Variants in UNC79 observed in about 807,000 individuals in gnomAD.
The protein encoded by UNC79 is protein unc-79 homolog.
A neutral mutation model predicts 283.1 loss-of-function variants in UNC79; 37 were observed. The ratio of observed to expected loss-of-function variants is 0.13; its 90% CI spans 0.10 to 0.17. The LOEUF (loss-of-function observed/expected upper bound fraction) is 0.17, where lower values mean the gene tolerates loss of function less well. Ranked by LOEUF, UNC79 falls within the 10% of genes least tolerant of loss-of-function variation. The probability of loss-of-function intolerance (pLI) is 1.00; values close to 1 mark genes in which losing one functional copy is unlikely to be tolerated. For synonymous variants in UNC79, 1,107 were observed against 1,200.2 expected, an observed-to-expected ratio of 0.92 and a Z score of 1.61; for missense variants, 2,272 against 3,211.1, an observed-to-expected ratio of 0.71 and a Z score of 7.07.
chr14:93,374,077 T>C (rs1203072709), intron 1 of UNC79, among the ~76,000 whole-genome samples: 2 of 152,076 alleles, frequency 1.3e-5, no homozygotes, highest in East Asian at 1.9e-4. Flanking sequence ...ACAGGTATGG[T>C]GCTACCACAG....
rs1036803959 is a variant in UNC79, at chr14:93,499,180, T to A, written c.898+1894T>A. Among the ~76,000 whole-genome samples, 8 of 152,248 alleles carry A rather than the reference T, an allele frequency of 5.3e-5. No homozygotes were observed. The East Asian group carries it at 9.6e-4, about 18-fold the overall frequency. The stretch of plus-strand genomic sequence containing the variant: ...TAATAAAAACAATGAAAGTAGATAG[T>A]AAGTAAATTTTTTAAAATGGGAATT... On this transcript the variant is annotated intron_variant, in intron 7 of 48. Coordinates refer to ENST00000555664, the Ensembl canonical transcript of UNC79.
At chr14:93,447,574 T>C (rs1259545811) in intron 1 of UNC79, among the ~76,000 whole-genome samples, 4 of 151,922 alleles carry the variant, frequency 2.6e-5, no homozygotes, top group East Asian at 1.9e-4. Context: ...TTTCTGGTGC[T>C]CTTTGTTTTT....
intron 1 of UNC79, among the ~76,000 whole-genome samples, chr14:93,356,428 T>C (rs2054087582): frequency 6.6e-6 from 1 of 152,224 alleles, no homozygotes; most frequent in Non-Finnish European, 1.5e-5. Flanking sequence ...ACAGATCCCT[T>C]TGTACTCTGG....
intron 7 of UNC79, among the ~76,000 whole-genome samples, chr14:93,518,043 A>G (rs561531587): frequency 2.0e-5 from 3 of 152,072 alleles, no homozygotes; most frequent in African/African-American, 7.2e-5. Flanking sequence ...TACATTTATG[A>G]GAGATATTGT....
At chr14:93,356,545 A>C (rs189125216) in intron 1 of UNC79, among the ~76,000 whole-genome samples, 9 of 152,246 alleles carry the variant, frequency 5.9e-5, no homozygotes, top group Admixed American at 5.2e-4. Context: ...GTATTTCACC[A>C]GTGTCTGGCC....
chr14:93,540,730 C>G (rs751214472), exon 13 of UNC79: 22 of 1,613,748 alleles, frequency 1.4e-5, no homozygotes, highest in Non-Finnish European at 1.9e-5. Flanking sequence ...GCAGCTGGGC[C>G]TCTCCTCTTC....
chr14:93,533,557 G>A (rs968282499), intron 11 of UNC79, among the ~76,000 whole-genome samples: 2 of 152,138 alleles, frequency 1.3e-5, no homozygotes, highest in Non-Finnish European at 2.9e-5. Flanking sequence ...GAGATGGGTG[G>A]GGTGTCTGGG....
At chr14:93,654,792 G>A (rs1311184143) in intron 37 of UNC79, among the ~76,000 whole-genome samples, 1 of 152,122 alleles carries the variant, frequency 6.6e-6, no homozygotes, top group Non-Finnish European at 1.5e-5. Context: ...GGTGGGTGGA[G>A]CTATGGGCGT....
chr14:93,447,191 C>T (rs1046644698), intron 1 of UNC79, among the ~76,000 whole-genome samples: 1 of 152,114 alleles, frequency 6.6e-6, no homozygotes, highest in Non-Finnish European at 1.5e-5. Flanking sequence ...TATTGCTACT[C>T]CAGACTACCT....
At chr14:93,498,796 A>C (rs1015811519) in intron 7 of UNC79, among the ~76,000 whole-genome samples, 27 of 152,116 alleles carry the variant, frequency 1.8e-4, no homozygotes, top group African/African-American at 5.1e-4. Context: ...TATTAAATCA[A>C]AGAAGAAACC....
At chr14:93,622,732 T>C in exon 30 of UNC79, 1 of 1,614,166 alleles carries the variant, frequency 6.2e-7, no homozygotes, top group Non-Finnish European at 8.5e-7. Context: ...AGATTCAGAT[T>C]GTTCCCAGGC....
chr14:93,691,825 G>A (rs2074720769), exon 46 of UNC79: 6 of 1,614,192 alleles, frequency 3.7e-6, no homozygotes, highest in Non-Finnish European at 5.1e-6. Flanking sequence ...TGCGAGCAAA[G>A]TGCCGTCGCT....
chr14:93,349,737 T>C (rs2053945272), intron 1 of UNC79, among the ~76,000 whole-genome samples: 1 of 152,216 alleles, frequency 6.6e-6, no homozygotes, highest in Non-Finnish European at 1.5e-5. Flanking sequence ...TATATCTACC[T>C]TCGCTAAATA....
intron 47 of UNC79, among the ~76,000 whole-genome samples, chr14:93,699,137 CA>C (rs1298784247): frequency 6.6e-6 from 1 of 152,148 alleles, no homozygotes; most frequent in Non-Finnish European, 1.5e-5. Flanking sequence ...TGCAATCTGA[CA>C]GTCTCTTCCT....
At chr14:93,568,368 A>C (rs1422026585) in intron 14 of UNC79, among the ~76,000 whole-genome samples, 1 of 152,106 alleles carries the variant, frequency 6.6e-6, no homozygotes, top group African/African-American at 2.4e-5. Context: ...ACTTTCAAAA[A>C]GTGATATAAA....
chr14:93,417,648 T>G (rs913826683), intron 1 of UNC79, among the ~76,000 whole-genome samples: 2 of 152,230 alleles, frequency 1.3e-5, no homozygotes, highest in African/African-American at 4.8e-5. Flanking sequence ...CCCCGTCACT[T>G]TCAGGTACAC....
chr14:93,673,734 C>T (rs1257321337), intron 41 of UNC79, among the ~76,000 whole-genome samples: 1 of 151,988 alleles, frequency 6.6e-6, no homozygotes, highest in Non-Finnish European at 1.5e-5. Context: ...CCAAGAAATG[C>T]GTGATCCAGT....
chr14:93,620,110 G>A (rs1413337305), intron 29 of UNC79, among the ~76,000 whole-genome samples: 3 of 152,178 alleles, frequency 2.0e-5, no homozygotes, highest in Admixed American at 6.5e-5. Flanking sequence ...CAAAGTGACC[G>A]GTTTGTTTAT....
intron 27 of UNC79, among the ~76,000 whole-genome samples, chr14:93,614,271 A>G (rs921872928): frequency 1.3e-5 from 2 of 151,464 alleles, no homozygotes; most frequent in Admixed American, 6.6e-5. Flanking sequence ...ATAAAAGAGT[A>G]TAGGCTTTTT....
Sources: gnomAD v4.1 joint callset for allele counts (sites outside exome capture counted in the v4.1 genomes callset) on GRCh38, gnomAD v4.1.1 for gene constraint, MANE v1.5 for transcripts, NCBI Gene and HGNC (gene_info 2026-07-23, HGNC 2026-07-21) for gene names.